The following DCAF12 variants were observed in gnomAD, a reference collection of about 807,000 sequenced individuals.
DCAF12 encodes the protein DDB1 and CUL4 associated factor 12, also known as DDB1- and CUL4-associated factor 12.
Under a neutral mutation model 52.8 loss-of-function variants are expected in DCAF12, and 28 were observed. The ratio of observed to expected loss-of-function variants is 0.53; its 90% CI spans 0.39 to 0.73. The LOEUF (loss-of-function observed/expected upper bound fraction) is 0.73, where lower values mean the gene tolerates loss of function less well. Among genes scored for constraint, DCAF12 ranks in the 30% least tolerant of loss-of-function variants. The pLI, the probability that DCAF12 is intolerant of heterozygous loss-of-function variation, is 0.00. For missense variants in DCAF12, 425 were observed against 552.2 expected (o/e 0.77, Z 2.31); for synonymous variants, 196 against 215.5 (o/e 0.91, Z 0.79).
Position 34,125,106 on chromosome 9 carries a change from ACTCT to A in DCAF12, c.246_249del (p.Arg82SerfsTer16), listed in dbSNP as rs1437369811. ...ACTTTATTAAGGGTCCCAAGGTGAAACTCTCTCTCCTTCAGGAGACTGGGAAGTT... is the reference window on the plus strand; with the variant it reads ...ACTTTATTAAGGGTCCCAAGGTGAAACTCTCCTTCAGGAGACTGGGAAGTT... On this transcript the variant is annotated frameshift_variant, in exon 2 of 9. Transcript: ENST00000361264. LOFTEE classifies it high-confidence loss of function. The A allele has an allele frequency of 6.2e-7, 1 of 1,613,870 alleles. No individual in the cohort carries two copies. The highest frequency in any genetic ancestry group is 8.5e-7 in the Non-Finnish European group (1 of 1,179,988).
rs1300263897 is a variant in DCAF12, at chr9:34,107,432, G to A, written c.467C>T (p.Ala156Val). The A allele has an allele frequency of 6.2e-7, 1 of 1,614,176 alleles. No homozygotes were observed. The highest frequency in any genetic ancestry group is 1.7e-5 in the Admixed American group (1 of 60,002). Residue 156 changes from alanine (A) to valine (V), a missense_variant, in exon 3 of 9, where the codon GCC becomes GTC. Physicochemically the swap from Ala to Val is moderately conservative, Grantham distance 64. Around this residue, in one of 3 missense-constraint regions of DCAF12, gnomAD observed 328 missense variants for 444.4 expected, o/e 0.74. Transcript: ENST00000361264. ...ACTGTTGGGGTTGTCTCCTCCAGTG[G>A]CTAGCAGTGTTCTAGAAGGATTCAG... ...IELNPSRTLL[A>V]TGGDNPNSLA...
intron 1 of DCAF12, chr9:34,125,610 T>C (rs1179272617): frequency 6.2e-6 from 3 of 480,484 alleles, no homozygotes; most frequent in South Asian, 1.5e-5. Context: ...CATACCGACA[T>C]GGGCTGCATC....
chr9:34,089,323 T>A, intron 8 of DCAF12, 89 bp downstream of exon 8: 3 of 1,377,344 alleles, frequency 2.2e-6, no homozygotes, highest in Non-Finnish European at 3.0e-6. Flanking sequence ...AAAGTATGAG[T>A]AGATGGTGTG....
chr9:34,094,927 C>T (rs1422701245), intron 6 of DCAF12, among the ~76,000 whole-genome samples: 1 of 152,146 alleles, frequency 6.6e-6, no homozygotes, highest in East Asian at 1.9e-4. Flanking sequence ...ACATCTTATA[C>T]ACATAGAGTG....
At position 34,116,217 on chromosome 9, in the gene DCAF12, C is replaced by T. The variant is rs150806722; in HGVS notation, c.334-8652G>A. Reference sequence around the variant, plus strand: ...ACTAAAAATATAAAAATTAGCCGGGCATGGTGGCAGTCGCCTTTAATCCCA... The same window carrying T: ...ACTAAAAATATAAAAATTAGCCGGGTATGGTGGCAGTCGCCTTTAATCCCA... On this transcript the variant is annotated intron_variant, in intron 2 of 8. Coordinates refer to ENST00000361264, the MANE Select transcript of DCAF12 (RefSeq NM_015397.4). Among the ~76,000 whole-genome samples the T allele has an allele frequency of 8.2e-3, 1,252 of 152,014 alleles. 11 individuals are homozygous for T. The highest frequency in any genetic ancestry group is 0.032 in the South Asian group (152 of 4,818).
At chr9:34,120,196 T>C (rs1382646548) in intron 2 of DCAF12, among the ~76,000 whole-genome samples, 3 of 61,180 alleles carry the variant, frequency 4.9e-5, no homozygotes, top group African/African-American at 2.1e-4. Flanking sequence ...AGAATGAAAG[T>C]CCGTCTCAAA....
intron 2 of DCAF12, among the ~76,000 whole-genome samples, chr9:34,110,600 A>G (rs1164083698): frequency 3.9e-5 from 6 of 152,088 alleles, no homozygotes; most frequent in African/African-American, 1.4e-4. Flanking sequence ...TGGCATTAAG[A>G]CTCTCCTCGG....
intron 4 of DCAF12, among the ~76,000 whole-genome samples, chr9:34,105,099 A>G (rs1007932468): frequency 3.3e-5 from 5 of 151,542 alleles, no homozygotes. Context: ...CCAAAAATAG[A>G]AAAATTAGCC....
chr9:34,090,598 C>A (rs969971397), intron 7 of DCAF12, among the ~76,000 whole-genome samples: 1 of 152,096 alleles, frequency 6.6e-6, no homozygotes, highest in Non-Finnish European at 1.5e-5. Context: ...AAGTTACCCC[C>A]ATTAAACAGT....
intron 2 of DCAF12, among the ~76,000 whole-genome samples, 180 bp downstream of exon 2, chr9:34,124,843 T>G (rs938659957): frequency 4.6e-5 from 7 of 151,764 alleles, no homozygotes; most frequent in Non-Finnish European, 2.9e-5. Flanking sequence ...AGAAAAGAAA[T>G]GTATGAGTGA....
chr9:34,094,797 T>C (rs991828182), intron 6 of DCAF12, among the ~76,000 whole-genome samples: 6 of 152,122 alleles, frequency 3.9e-5, no homozygotes, highest in African/African-American at 7.2e-5. Flanking sequence ...CCCAAAGTGC[T>C]GGGATTATAG....
intron 2 of DCAF12, among the ~76,000 whole-genome samples, chr9:34,108,359 C>T (rs924000373): frequency 1.3e-5 from 2 of 152,188 alleles, no homozygotes; most frequent in Non-Finnish European, 2.9e-5. Flanking sequence ...ATAGATACAC[C>T]TTATAGCCTA....
intron 2 of DCAF12, among the ~76,000 whole-genome samples, chr9:34,115,082 G>A (rs377155209): frequency 7.2e-5 from 11 of 152,084 alleles, no homozygotes; most frequent in African/African-American, 2.7e-4. Flanking sequence ...ATTCTACGCA[G>A]GTCACACAGA....
At chr9:34,102,341 A>C (rs545508542) in intron 4 of DCAF12, among the ~76,000 whole-genome samples, 8 of 152,090 alleles carry the variant, frequency 5.3e-5, no homozygotes, top group Admixed American at 1.3e-4. Context: ...AAGATAAATC[A>C]GTTTTCTTAG....
At position 34,126,535 on chromosome 9, in the gene DCAF12, G is replaced by A; in HGVS notation, c.-104C>T. 1.5e-6 allele frequency: 2 copies of A among 1,309,944 alleles called. No individual in the cohort carries two copies. The highest frequency in any genetic ancestry group is 2.0e-6 in the Non-Finnish European group (2 of 982,282). The allele number at this position is 1,309,944 out of a possible 1,614,324, so 81.1% of individuals were successfully genotyped here. ...GGGCCCCGGGGCCGCGCACCTTAGT[G>A]CGCCCGGCCCGGAAAATGGCCCGGA... On this transcript the variant is annotated 5_prime_UTR_variant, in exon 1 of 9. Transcript: ENST00000361264.
chr9:34,123,163 A>G (rs1436653940), intron 2 of DCAF12, among the ~76,000 whole-genome samples: 1 of 152,208 alleles, frequency 6.6e-6, no homozygotes, highest in Non-Finnish European at 1.5e-5. Context: ...TTTGATTGTT[A>G]GCCCACAGCA....
intron 2 of DCAF12, chr9:34,109,929 T>C: frequency 8.8e-6 from 2 of 227,950 alleles, no homozygotes; most frequent in Non-Finnish European, 1.9e-5. Context: ...TGTAGGGCTC[T>C]ACCACCATGT....
Position 34,107,400 on chromosome 9 carries a change from T to C in DCAF12, c.499A>G (p.Ile167Val), listed in dbSNP as rs1828920980. 2.5e-6 allele frequency: 4 copies of C among 1,614,154 alleles called. No homozygotes were observed. Among genetic ancestry groups the C allele is most frequent in the Non-Finnish European group, 3.4e-6 (4 of 1,180,030 alleles). ...TGGDNPNSLA[I>V]YRLPTLDPVC... The stretch of plus-strand genomic sequence containing the variant: ...GGATCCAGCGTAGGTAGTCGATAGA[T>C]GGCAAGACTGTTGGGGTTGTCTCCT... The change falls in exon 3 of 9, where the codon ATC becomes GTC. Residue 167 changes from isoleucine to valine, a missense_variant. Physicochemically the swap from Ile to Val is conservative, Grantham distance 29. Around this residue, in one of 3 missense-constraint regions of DCAF12, gnomAD observed 328 missense variants for 444.4 expected, o/e 0.74. Transcript: ENST00000361264.
chr9:34,102,000 GT>G (rs1285351612), intron 4 of DCAF12, among the ~76,000 whole-genome samples: 5 of 146,566 alleles, frequency 3.4e-5, no homozygotes, highest in African/African-American at 9.9e-5. Flanking sequence ...GGGTGACAGA[GT>G]GAGACCCTGT....
Sources: gnomAD v4.1 joint callset for allele counts (sites outside exome capture counted in the v4.1 genomes callset) on GRCh38, gnomAD v4.1.1 for gene constraint, gnomAD v4.1.1 regional missense constraint, MANE v1.5 for transcripts, NCBI Gene and HGNC (gene_info 2026-07-23, HGNC 2026-07-21) for gene names.